Variants in MARCHF1 observed in about 807,000 individuals in gnomAD.
MARCHF1 encodes the protein E3 ubiquitin-protein ligase MARCHF1.
MARCHF1 carries 40 observed loss-of-function variants against 54.2 expected under a neutral mutation model. That is an observed-to-expected ratio of 0.74 (90% CI 0.57 to 0.96). The LOEUF (loss-of-function observed/expected upper bound fraction) is 0.96, where lower values mean the gene tolerates loss of function less well. Among genes scored for constraint, MARCHF1 ranks in the 40% least tolerant of loss-of-function variants. MARCHF1 has a pLI of 0.00. For synonymous variants in MARCHF1, 236 were observed against 236.3 expected (o/e 1.00, Z 0.01); for missense variants, 586 against 656.5 (o/e 0.89, Z 1.17).
intron 1 of MARCHF1, among the ~76,000 whole-genome samples, chr4:164,316,864 C>A (rs1167851619): frequency 6.6e-6 from 1 of 152,122 alleles, no homozygotes; most frequent in Non-Finnish European, 1.5e-5. Context: ...TTCCCCTTTG[C>A]TCTCTTCCTC....
At chr4:163,675,098 T>A (rs1036986328) in intron 5 of MARCHF1, among the ~76,000 whole-genome samples, 1 of 152,192 alleles carries the variant, frequency 6.6e-6, no homozygotes, top group East Asian at 1.9e-4. Flanking sequence ...CTAGCACATT[T>A]AATGAAATTT....
chr4:163,624,458 T>C (rs1741799236), intron 5 of MARCHF1, among the ~76,000 whole-genome samples: 1 of 152,236 alleles, frequency 6.6e-6, no homozygotes, highest in Admixed American at 6.5e-5. Flanking sequence ...CCTCCTTTAC[T>C]GTCTCACTGC....
At chr4:164,256,713 G>C (rs192125896) in intron 1 of MARCHF1, among the ~76,000 whole-genome samples, 18 of 152,230 alleles carry the variant, frequency 1.2e-4, no homozygotes, top group African/African-American at 3.9e-4. Flanking sequence ...TTAAGAATGT[G>C]TACAAGAGTA....
At chr4:164,068,749 G>A (rs982010436) in intron 2 of MARCHF1, among the ~76,000 whole-genome samples, 54 of 152,308 alleles carry the variant, frequency 3.5e-4, no homozygotes, top group African/African-American at 1.1e-3. Flanking sequence ...GGCGCACAGC[G>A]TGGGACTGGC....
chr4:163,738,288 C>G (rs971736098), intron 4 of MARCHF1, among the ~76,000 whole-genome samples: 1 of 152,136 alleles, frequency 6.6e-6, no homozygotes, highest in South Asian at 2.1e-4. Flanking sequence ...GAAGTTTCCA[C>G]CAAAGAACCA....
At chr4:164,382,827 G>C (rs1578918302) in intron 1 of MARCHF1, among the ~76,000 whole-genome samples, 1 of 152,166 alleles carries the variant, frequency 6.6e-6, no homozygotes, top group African/African-American at 2.4e-5. Flanking sequence ...TACCTGAGCA[G>C]GTTCAGAATC....
At chr4:164,225,445 T>C (rs1055185489) in intron 1 of MARCHF1, among the ~76,000 whole-genome samples, 4 of 151,948 alleles carry the variant, frequency 2.6e-5, no homozygotes, top group Admixed American at 6.6e-5. Flanking sequence ...TTTTGGGGGA[T>C]GGGGTTGAGG....
intron 1 of MARCHF1, among the ~76,000 whole-genome samples, chr4:164,252,397 A>G (rs1733154676): frequency 6.6e-6 from 1 of 152,146 alleles, no homozygotes; most frequent in Non-Finnish European, 1.5e-5. Flanking sequence ...AGCTAATCCC[A>G]AGGAATGAGA....
At chr4:163,733,508 GGTTT>G (rs1745943589) in intron 4 of MARCHF1, among the ~76,000 whole-genome samples, 1 of 149,846 alleles carries the variant, frequency 6.7e-6, no homozygotes. Context: ...ACAATGTGCA[GGTTT>G]GTTACATATG....
At chr4:164,213,219 T>G (rs1315906673) in intron 1 of MARCHF1, among the ~76,000 whole-genome samples, 1 of 67,242 alleles carries the variant, frequency 1.5e-5, no homozygotes, top group Non-Finnish European at 2.2e-5. Context: ...ATTATTATTA[T>G]TATTATTATT....
intron 3 of MARCHF1, among the ~76,000 whole-genome samples, chr4:163,921,989 A>G (rs1191094844): frequency 1.3e-5 from 2 of 152,150 alleles, no homozygotes; most frequent in Non-Finnish European, 2.9e-5. Flanking sequence ...ACAATGATAG[A>G]CTGGATTAAG....
intron 1 of MARCHF1, among the ~76,000 whole-genome samples, chr4:164,311,543 G>A (rs1579710831): frequency 6.6e-6 from 1 of 152,038 alleles, no homozygotes; most frequent in South Asian, 2.1e-4. Flanking sequence ...AAAGCAATAC[G>A]ACATTTAAAA....
At position 163,528,885 on chromosome 4, in the gene MARCHF1, C is replaced by T. The variant is rs143609102; in HGVS notation, c.1501G>A (p.Ala501Thr). 116 of 1,613,294 alleles carry T rather than the reference C, an allele frequency of 7.2e-5. No individual in the cohort carries two copies. The highest frequency in any genetic ancestry group is 6.6e-4 in the Middle Eastern group (4 of 6,060). Residue 501 changes from alanine to threonine, a missense_variant, in exon 10 of 10, where the codon GCC (alanine) becomes ACC (threonine). By Grantham distance (58) the Ala-to-Thr change is moderately conservative. Coordinates refer to ENST00000514618, the MANE Select transcript of MARCHF1 (RefSeq NM_001394959.1). Reference protein sequence around the residue: ...VIFVQNCPDTAKKLEKNFSCN... With the variant: ...VIFVQNCPDTTKKLEKNFSCN... ...GAGAAGTTCTTCTCCAGTTTTTTGG[C>T]AGTGTCTGGGCAATTTTGTACAAAG...
At chr4:163,870,943 C>T (rs1208643929) in intron 3 of MARCHF1, among the ~76,000 whole-genome samples, 2 of 151,896 alleles carry the variant, frequency 1.3e-5, no homozygotes, top group Non-Finnish European at 2.9e-5. Context: ...CTATAATTAA[C>T]AATAATTTAT....
intron 1 of MARCHF1, among the ~76,000 whole-genome samples, chr4:164,363,324 ACTT>A (rs1374618405): frequency 1.3e-5 from 2 of 152,156 alleles, no homozygotes; most frequent in African/African-American, 2.4e-5. Context: ...ACTATAAACT[ACTT>A]CTTATCTTTC....
At chr4:164,026,654 C>G (rs565331306) in intron 2 of MARCHF1, among the ~76,000 whole-genome samples, 19 of 152,096 alleles carry the variant, frequency 1.2e-4, no homozygotes, top group African/African-American at 4.1e-4. Context: ...AAAGCTGGAA[C>G]CATTCTCCTT....
chr4:163,680,303 G>A (rs1213628388), intron 5 of MARCHF1, among the ~76,000 whole-genome samples: 2 of 152,060 alleles, frequency 1.3e-5, no homozygotes, highest in East Asian at 1.9e-4. Flanking sequence ...CTAAGCTTAC[G>A]CTTAACCTAC....
chr4:163,610,715 G>A (rs76376250), intron 7 of MARCHF1, among the ~76,000 whole-genome samples: 14,068 of 151,996 alleles, frequency 0.093, 912 homozygotes, highest in East Asian at 0.24. Flanking sequence ...ACATTTATAG[G>A]TAAATTACAC....
chr4:163,755,821 C>G (rs958293909), intron 4 of MARCHF1, among the ~76,000 whole-genome samples: 1 of 152,030 alleles, frequency 6.6e-6, no homozygotes, highest in African/African-American at 2.4e-5. Context: ...TGAGAGATCC[C>G]CTGGAACATA....
Sources: gnomAD v4.1 joint callset for allele counts (sites outside exome capture counted in the v4.1 genomes callset) on GRCh38, gnomAD v4.1.1 for gene constraint, MANE v1.5 for transcripts, NCBI Gene and HGNC (gene_info 2026-07-23, HGNC 2026-07-21) for gene names.